Variants in UTP18 observed in about 807,000 individuals in gnomAD.
The protein encoded by UTP18 is UTP18 small subunit processome component.
In UTP18, 36 loss-of-function variants were observed where a neutral mutation model predicts 61.1. That is an observed-to-expected ratio of 0.59 (90% CI 0.45 to 0.78). UTP18 has a LOEUF of 0.78. Among genes scored for constraint, UTP18 ranks in the 30% least tolerant of loss-of-function variants. The pLI, the probability that UTP18 is intolerant of heterozygous loss-of-function variation, is 0.00. For missense variants in UTP18, 753 were observed against 693.9 expected (o/e 1.09, Z -0.96); for synonymous variants, 282 against 251.1 (o/e 1.12, Z -1.16).
Position 51,271,643 on chromosome 17 carries a change from A to C in UTP18, c.623-1719A>C, listed in dbSNP as rs138069555. 2.5e-3 allele frequency among the ~76,000 whole-genome samples: 373 copies of C among 152,218 alleles called. 2 individuals are homozygous for C. Among genetic ancestry groups the C allele is most frequent in the Middle Eastern group, 6.8e-3 (2 of 294 alleles). On this transcript the variant is annotated intron_variant, in intron 4 of 13. Coordinates refer to ENST00000225298, the MANE Select transcript of UTP18 (RefSeq NM_016001.3). ...AGCTAATTTTGATGTACTGTTAAAA[A>C]CATCTATTGGAGGCTTAATTTAATT...
chr17:51,260,615 C>T lies in UTP18; in HGVS notation c.31C>T (p.Leu11=), dbSNP rs757348078. The T allele has an allele frequency of 2.0e-5, 33 of 1,612,724 alleles. No individual in the cohort carries two copies. The highest frequency in any genetic ancestry group is 7.7e-5 in the South Asian group (7 of 91,072). ...GCCGGAGCGGAGGAGACGAATGAAA[C>T]TGGACCGGAGAACCGGAGCGAAGCC... MPPERRRRMK[L]DRRTGAKPKR... Residue 11 remains leucine, a synonymous_variant, in exon 1 of 14, where the codon CTG becomes TTG. Transcript: ENST00000225298.
chr17:51,297,425 C>A (rs926785619), intron 13 of UTP18, among the ~76,000 whole-genome samples: 1 of 152,148 alleles, frequency 6.6e-6, no homozygotes, highest in African/African-American at 2.4e-5. Context: ...GATAATGGGG[C>A]TGGCCATTAG....
At chr17:51,291,343 T>C (rs189789525) in intron 11 of UTP18, among the ~76,000 whole-genome samples, 1 of 152,206 alleles carries the variant, frequency 6.6e-6, no homozygotes, top group South Asian at 2.1e-4. Flanking sequence ...ATTGAGAGAT[T>C]ACACTGGGGA....
intron 5 of UTP18, among the ~76,000 whole-genome samples, chr17:51,275,446 C>T (rs1019335256): frequency 6.6e-6 from 1 of 152,160 alleles, no homozygotes; most frequent in Admixed American, 6.5e-5. Flanking sequence ...TGCAGTGCCT[C>T]TTGCATTTGT....
intron 9 of UTP18, among the ~76,000 whole-genome samples, chr17:51,284,655 TA>T (rs1158221992): frequency 6.6e-6 from 1 of 152,232 alleles, no homozygotes; most frequent in Admixed American, 6.5e-5. Flanking sequence ...AAGCTTTTTC[TA>T]AAAGTTCAAC....
At chr17:51,295,535 C>T (rs1273376215) in intron 12 of UTP18, among the ~76,000 whole-genome samples, 2 of 152,066 alleles carry the variant, frequency 1.3e-5, no homozygotes, top group Admixed American at 1.3e-4. Flanking sequence ...TTTCTGAGGC[C>T]TCTGTTCTGT....
At chr17:51,286,405 C>G in intron 10 of UTP18, 3 of 446,402 alleles carry the variant, frequency 6.7e-6, no homozygotes, top group Admixed American at 4.8e-5. Flanking sequence ...CAAATCCTCC[C>G]TGGGATGGGA....
chr17:51,260,675 G>C lies in UTP18; in HGVS notation c.91G>C (p.Ala31Pro), dbSNP rs1402350521. Residue 31 changes from alanine (A) to proline (P), a missense_variant, in exon 1 of 14, where the codon GCC (alanine) becomes CCC (proline). By Grantham distance (27) the Ala-to-Pro change is conservative (BLOSUM62 -1). Transcript: ENST00000225298. Reference protein sequence around the residue: ...RKPGMRPDWKAGAGPGGPPQK... With the variant: ...RKPGMRPDWKPGAGPGGPPQK... Reference sequence around the variant, plus strand: ...GCCCGGAATGAGGCCGGACTGGAAAGCCGGAGCGGGGCCAGGCGGGCCTCC... The same window carrying C: ...GCCCGGAATGAGGCCGGACTGGAAACCCGGAGCGGGGCCAGGCGGGCCTCC... 6.2e-7 allele frequency: 1 copy of C among 1,610,928 alleles called. No homozygotes were observed. The highest frequency in any genetic ancestry group is 1.3e-5 in the African/African-American group (1 of 74,888).
chr17:51,270,483 A>G (rs1289741320), intron 4 of UTP18, among the ~76,000 whole-genome samples: 1 of 152,214 alleles, frequency 6.6e-6, no homozygotes, highest in Non-Finnish European at 1.5e-5. Flanking sequence ...GGGTATGGTT[A>G]TGCTAGCTGT....
chr17:51,289,509 G>A (rs1355754336), intron 11 of UTP18, among the ~76,000 whole-genome samples: 1 of 151,704 alleles, frequency 6.6e-6, no homozygotes, highest in Non-Finnish European at 1.5e-5. Context: ...GCCCAGCCCA[G>A]AACTTTCTAA....
chr17:51,284,431 G>T (rs528310210), intron 9 of UTP18, among the ~76,000 whole-genome samples: 1 of 151,988 alleles, frequency 6.6e-6, no homozygotes, highest in Non-Finnish European at 1.5e-5. Context: ...TAAATTGTGT[G>T]TGTCTTCTTA....
At chr17:51,266,469 G>GA (rs1445549730) in intron 3 of UTP18, among the ~76,000 whole-genome samples, 189 bp downstream of exon 3, 3 of 151,922 alleles carry the variant, frequency 2.0e-5, no homozygotes, top group East Asian at 1.9e-4. Flanking sequence ...AGAAAATTTG[G>GA]AAAAAAATTC....
At chr17:51,278,008 A>G (rs1426711243) in intron 7 of UTP18, among the ~76,000 whole-genome samples, 2 of 152,174 alleles carry the variant, frequency 1.3e-5, no homozygotes, top group African/African-American at 4.8e-5. Context: ...CTGTACATGC[A>G]TGTGGCTGGA....
chr17:51,280,643 T>C, intron 9 of UTP18, among the ~76,000 whole-genome samples, 164 bp downstream of exon 9: 1 of 151,614 alleles, frequency 6.6e-6, no homozygotes. Context: ...TAAAACTCCG[T>C]CTCTACTAAA....
chr17:51,274,101 C>T (rs1904632770), intron 5 of UTP18, among the ~76,000 whole-genome samples: 1 of 152,210 alleles, frequency 6.6e-6, no homozygotes, highest in Non-Finnish European at 1.5e-5. Flanking sequence ...CCACTTGAGT[C>T]ACACAAGCCT....
intron 5 of UTP18, among the ~76,000 whole-genome samples, chr17:51,275,543 G>C (rs948683021): frequency 6.6e-6 from 1 of 152,290 alleles, no homozygotes; most frequent in East Asian, 1.9e-4. Flanking sequence ...ACAAATGGAT[G>C]TATTTTGGGG....
chr17:51,268,273 G>A (rs963970789), intron 3 of UTP18, among the ~76,000 whole-genome samples: 1 of 152,114 alleles, frequency 6.6e-6, no homozygotes, highest in Non-Finnish European at 1.5e-5. Flanking sequence ...TGATCCGCCC[G>A]CCTTGGCCTC....
At chr17:51,274,214 A>G (rs1255542640) in intron 5 of UTP18, among the ~76,000 whole-genome samples, 1 of 152,148 alleles carries the variant, frequency 6.6e-6, no homozygotes, top group Non-Finnish European at 1.5e-5. Context: ...CCTAATGGCT[A>G]GCTCATTCTT....
rs1228626846 is a variant in UTP18 at position 51,263,269 on chromosome 17, T to C, written c.343-5T>C. 4 of 1,613,392 alleles carry C rather than the reference T, an allele frequency of 2.5e-6. No individual in the cohort carries two copies. The African/African-American group carries it at 4.0e-5, about 16-fold the overall frequency. The stretch of plus-strand genomic sequence containing the variant: ...CAGTGCTTGAGGGTGTTTTGTCTGC[T>C]GTAGGTTCAAGAACATGAAGACTCG... On this transcript the variant is annotated splice_region_variant and splice_polypyrimidine_tract_variant and intron_variant, in intron 1 of 13. Coordinates refer to ENST00000225298, the MANE Select transcript of UTP18 (RefSeq NM_016001.3).
Sources: gnomAD v4.1 joint callset for allele counts (sites outside exome capture counted in the v4.1 genomes callset) on GRCh38, gnomAD v4.1.1 for gene constraint, MANE v1.5 for transcripts, NCBI Gene and HGNC (gene_info 2026-07-23, HGNC 2026-07-21) for gene names.